Variants in TRHDE observed in about 807,000 individuals in gnomAD.
TRHDE encodes thyrotropin releasing hormone degrading enzyme.
A neutral mutation model predicts 125.7 loss-of-function variants in TRHDE; 72 were observed. That is an observed-to-expected ratio of 0.57 (90% CI 0.47 to 0.70). TRHDE has a LOEUF of 0.70. Among genes scored for constraint, TRHDE ranks in the 30% least tolerant of loss-of-function variants. The pLI is 0.00. For synonymous variants in TRHDE, 509 were observed against 509.1 expected, an observed-to-expected ratio of 1.00 and a Z score of 0.00; for missense variants, 1,110 against 1,327.1, an observed-to-expected ratio of 0.84 and a Z score of 2.54.
At chr12:72,414,363 T>C (rs1873641314) in intron 3 of TRHDE, among the ~76,000 whole-genome samples, 1 of 152,078 alleles carries the variant, frequency 6.6e-6, no homozygotes, top group South Asian at 2.1e-4. Context: ...GAAATTCATG[T>C]GCTGTAATAC....
At chr12:72,133,938 G>A (rs1210701086) in intron 2 of TRHDE, among the ~76,000 whole-genome samples, 8 of 152,122 alleles carry the variant, frequency 5.3e-5, no homozygotes, top group Admixed American at 2.6e-4. Flanking sequence ...GACTGCAAGG[G>A]GAGCAAACTG....
intron 3 of TRHDE, among the ~76,000 whole-genome samples, chr12:72,439,671 A>G (rs1390063990): frequency 2.0e-5 from 3 of 151,914 alleles, no homozygotes; most frequent in African/African-American, 4.8e-5. Context: ...TTCTATATAT[A>G]TGATCATATC....
chr12:72,100,755 G>T (rs1875048371), intron 1 of TRHDE, among the ~76,000 whole-genome samples: 1 of 152,188 alleles, frequency 6.6e-6, no homozygotes, highest in South Asian at 2.1e-4. Context: ...TCAGGACCCA[G>T]TCATTCTACC....
Position 72,376,633 on chromosome 12 carries a change from T to G in TRHDE, c.1189-1362T>G, listed in dbSNP as rs182855650. Among the ~76,000 whole-genome samples the G allele has an allele frequency of 1.2e-4, 19 of 152,356 alleles. No homozygotes were observed. In the East Asian group the frequency reaches 3.7e-3, roughly 29 times the overall value. On this transcript the variant is annotated intron_variant, in intron 2 of 18. Transcript: ENST00000261180. ...TACTGCATTGCAGGTCTTTCGAACATACAGTCAGAATGTGTTTTCCTTGAC... is the reference window on the plus strand; with the variant it reads ...TACTGCATTGCAGGTCTTTCGAACAGACAGTCAGAATGTGTTTTCCTTGAC...
chr12:72,407,902 A>G (rs190712197), intron 3 of TRHDE, among the ~76,000 whole-genome samples: 5 of 152,228 alleles, frequency 3.3e-5, no homozygotes, highest in African/African-American at 1.2e-4. Context: ...CTTGATGCTT[A>G]GCAAAGCAGA....
At chr12:72,278,687 G>A (rs1879583654) in intron 1 of TRHDE, among the ~76,000 whole-genome samples, 1 of 152,084 alleles carries the variant, frequency 6.6e-6, no homozygotes, top group South Asian at 2.1e-4. Flanking sequence ...TTTCCCTGAT[G>A]ATAAGTCATG....
intron 2 of TRHDE, among the ~76,000 whole-genome samples, chr12:72,116,295 A>G (rs1220460398): frequency 6.6e-6 from 1 of 152,186 alleles, no homozygotes; most frequent in Non-Finnish European, 1.5e-5. Flanking sequence ...AGTCTTTGCT[A>G]TTATAAATAG....
At chr12:72,423,976 G>C (rs546268626) in intron 3 of TRHDE, among the ~76,000 whole-genome samples, 1 of 152,272 alleles carries the variant, frequency 6.6e-6, no homozygotes, top group Admixed American at 6.5e-5. Flanking sequence ...TTTGCCCCTT[G>C]TACTGGTTTC....
intron 2 of TRHDE, among the ~76,000 whole-genome samples, chr12:72,317,035 C>T (rs12320946): frequency 6.6e-6 from 1 of 152,116 alleles, no homozygotes; most frequent in South Asian, 2.1e-4. Context: ...CAAACATATA[C>T]TGAGCATCAG....
At chr12:72,528,433 T>C (rs78366457) in intron 6 of TRHDE, among the ~76,000 whole-genome samples, 1,656 of 152,364 alleles carry the variant, frequency 0.011, 31 homozygotes, top group African/African-American at 0.037. Context: ...CGTGTAGTTA[T>C]TCTACAGCCT....
At chr12:72,567,312 TG>T (rs34899412) in intron 9 of TRHDE, among the ~76,000 whole-genome samples, 8,443 of 151,788 alleles carry the variant, frequency 0.056, 302 homozygotes, top group Middle Eastern at 0.11. Context: ...CCCTCCAAAA[TG>T]TTTTTTTTTC....
chr12:72,280,254 T>A (rs1879647582), intron 1 of TRHDE, among the ~76,000 whole-genome samples: 1 of 152,166 alleles, frequency 6.6e-6, no homozygotes, highest in Admixed American at 6.5e-5. Context: ...TGTACAGGGT[T>A]GTTGTGATGA....
At chr12:72,284,355 A>T (rs1234705804) in intron 1 of TRHDE, among the ~76,000 whole-genome samples, 1 of 152,144 alleles carries the variant, frequency 6.6e-6, no homozygotes, top group Non-Finnish European at 1.5e-5. Context: ...ATAAAATCCC[A>T]TGGGCATCTT....
Position 72,635,001 on chromosome 12 carries a change from C to G in TRHDE, c.2675+13250C>G, listed in dbSNP as rs1421677296. On this transcript the variant is annotated intron_variant, in intron 15 of 18. Transcript: ENST00000261180. ...CTTTATAGCAGCATGATTTATAGTCCTTTGGGTATATACCCAGTAATGGGA... is the reference window on the plus strand; with the variant it reads ...CTTTATAGCAGCATGATTTATAGTCGTTTGGGTATATACCCAGTAATGGGA... Among the ~76,000 whole-genome samples the G allele has an allele frequency of 3.3e-5, 5 of 151,972 alleles. No homozygotes were observed. In the South Asian group the frequency reaches 1.0e-3, roughly 32 times the overall value.
chr12:72,650,155 A>G (rs1316999640), intron 15 of TRHDE, among the ~76,000 whole-genome samples: 3 of 152,150 alleles, frequency 2.0e-5, no homozygotes, highest in Non-Finnish European at 4.4e-5. Flanking sequence ...ATGGATGGAT[A>G]AAGGAAACGT....
chr12:72,341,629 A>G (rs1395348862), intron 2 of TRHDE, among the ~76,000 whole-genome samples: 1 of 152,088 alleles, frequency 6.6e-6, no homozygotes, highest in African/African-American at 2.4e-5. Flanking sequence ...AATTGGATGA[A>G]TTGAAAGGAG....
intron 7 of TRHDE, among the ~76,000 whole-genome samples, chr12:72,543,272 A>C (rs1289948252): frequency 6.6e-6 from 1 of 151,530 alleles, no homozygotes; most frequent in East Asian, 1.9e-4. Context: ...GCAAGAGTTA[A>C]CTATGTTATG....
chr12:72,598,538 C>G (rs960323342), intron 12 of TRHDE, among the ~76,000 whole-genome samples: 24 of 152,112 alleles, frequency 1.6e-4, no homozygotes, highest in Admixed American at 1.6e-3. Flanking sequence ...TATGCGTTAA[C>G]AAGTTGGTTG....
chr12:72,480,849 C>T (rs1234056233), intron 5 of TRHDE, among the ~76,000 whole-genome samples: 1 of 152,028 alleles, frequency 6.6e-6, no homozygotes. Flanking sequence ...AAAAATTATA[C>T]CAAAATGACA....
Sources: gnomAD v4.1 joint callset for allele counts (sites outside exome capture counted in the v4.1 genomes callset) on GRCh38, gnomAD v4.1.1 for gene constraint, MANE v1.5 for transcripts, NCBI Gene and HGNC (gene_info 2026-07-23, HGNC 2026-07-21) for gene names.